Variants in CCDC90B observed in about 807,000 individuals in gnomAD.
CCDC90B encodes the protein coiled-coil domain containing 90B.
Under a neutral mutation model 37.0 loss-of-function variants are expected in CCDC90B, and 24 were observed. The ratio of observed to expected loss-of-function variants is 0.65; its 90% CI spans 0.47 to 0.91. CCDC90B has a LOEUF of 0.91. CCDC90B is among the 40% of genes least tolerant of loss of function. The pLI, the probability that CCDC90B is intolerant of heterozygous loss-of-function variation, is 0.00. For missense variants in CCDC90B, 319 were observed against 299.0 expected (o/e 1.07, Z -0.49); for synonymous variants, 113 against 101.1 (o/e 1.12, Z -0.71).
chr11:83,262,663 C>G (rs896535503), intron 8 of CCDC90B, among the ~76,000 whole-genome samples: 1 of 152,080 alleles, frequency 6.6e-6, no homozygotes, highest in Non-Finnish European at 1.5e-5. Context: ...GAATGGAAAA[C>G]TTTTATGAAT....
rs1863893100 is a variant in CCDC90B at position 83,260,802 on chromosome 11, C to G, written c.*1109G>C. 6.6e-6 allele frequency: 1 copy of G among 152,008 alleles called. No individual in the cohort carries two copies. Among genetic ancestry groups the G allele is most frequent in the South Asian group, 2.1e-4 (1 of 4,824 alleles). The allele number at this position is 152,008 out of a possible 1,614,324, so 9.4% of individuals were successfully genotyped here. ...ACATATGATTTACTAATAGATATTA[C>G]TTTGTAAGAAAAAATATATCTAATA... is the stretch of plus-strand genomic sequence containing the variant. On this transcript the variant is annotated 3_prime_UTR_variant, in exon 9 of 9. Coordinates refer to ENST00000529689, the MANE Select transcript of CCDC90B (RefSeq NM_021825.5).
rs76111715 is a variant in CCDC90B at position 83,276,720 on chromosome 11, C to T, written c.325-1980G>A. ...ATACAGACTCAAAAAGCCTACAAAA[C>T]TGCACAGGTGTCCATCTGTAACAAC... On this transcript the variant is annotated intron_variant, in intron 3 of 8. Coordinates refer to ENST00000529689, the MANE Select transcript of CCDC90B (RefSeq NM_021825.5). 6.5e-3 allele frequency among the ~76,000 whole-genome samples: 988 copies of T among 152,254 alleles called. 8 individuals carry two copies. Among genetic ancestry groups the T allele is most frequent in the African/African-American group, 0.022 (904 of 41,540 alleles).
At chr11:83,267,897 T>C (rs1864386407) in intron 7 of CCDC90B, among the ~76,000 whole-genome samples, 1 of 152,214 alleles carries the variant, frequency 6.6e-6, no homozygotes, top group Admixed American at 6.5e-5. Flanking sequence ...CCCATCAGAC[T>C]AACAGCGGAC....
intron 8 of CCDC90B, among the ~76,000 whole-genome samples, chr11:83,262,948 C>T (rs1864015061): frequency 6.6e-6 from 1 of 152,162 alleles, no homozygotes; most frequent in Non-Finnish European, 1.5e-5. Flanking sequence ...CTATGCTGAG[C>T]AATTACACAC....
At chr11:83,270,197 C>T (rs1171799211) in intron 7 of CCDC90B, among the ~76,000 whole-genome samples, 1 of 152,204 alleles carries the variant, frequency 6.6e-6, no homozygotes, top group Non-Finnish European at 1.5e-5. Flanking sequence ...CAGCCAATAT[C>T]ATACTGAATG....
At chr11:83,263,874 G>T (rs771524735) in intron 8 of CCDC90B, among the ~76,000 whole-genome samples, 2 of 152,270 alleles carry the variant, frequency 1.3e-5, no homozygotes, top group Non-Finnish European at 1.5e-5. Context: ...CCCCATCCAC[G>T]GTTCAGCTGA....
chr11:83,280,022 T>C (rs1288901434), intron 2 of CCDC90B, 119 bp downstream of exon 2: 3 of 924,176 alleles, frequency 3.2e-6, no homozygotes, highest in South Asian at 2.1e-5. Context: ...AAATATTTCA[T>C]TGTATGGATG....
At position 83,274,754 on chromosome 11, in the gene CCDC90B, T is replaced by C; in HGVS notation, c.325-14A>G. The C allele has an allele frequency of 3.3e-6, 5 of 1,508,690 alleles. No individual in the cohort carries two copies. Among genetic ancestry groups the C allele is most frequent in the Non-Finnish European group, 4.6e-6 (5 of 1,090,880 alleles). 93.5% of individuals were successfully genotyped at this position (1,508,690 alleles called of 1,614,324 possible). A position where few individuals can be genotyped will look rare whatever the true frequency, so the allele number is the denominator to read the frequency against. ...TACTGTTATTTCCTAGAAAACAAAA[T>C]AAAAATAACCTAGTGATCTATAGAA... On this transcript the variant is annotated splice_polypyrimidine_tract_variant and intron_variant, in intron 3 of 8. Transcript: ENST00000529689.
At chr11:83,285,232 CTG>C (rs747780370) in intron 1 of CCDC90B, 9 of 1,282,574 alleles carry the variant, frequency 7.0e-6, no homozygotes, top group Non-Finnish European at 9.1e-6. Flanking sequence ...AGTTAAAAAA[CTG>C]GGGGTGAAAA....
intron 1 of CCDC90B, chr11:83,285,487 A>G: frequency 9.0e-7 from 1 of 1,112,886 alleles, no homozygotes; most frequent in Non-Finnish European, 1.1e-6. Flanking sequence ...GCCAGCACCT[A>G]AAAAAACAAA....
At chr11:83,267,712 C>T (rs1864372637) in intron 7 of CCDC90B, among the ~76,000 whole-genome samples, 1 of 152,156 alleles carries the variant, frequency 6.6e-6, no homozygotes, top group Non-Finnish European at 1.5e-5. Flanking sequence ...AGAACTTCCC[C>T]AACCTAGCAA....
Position 83,274,697 on chromosome 11 carries a change from C to T in CCDC90B, c.368G>A (p.Arg123Lys). ...QQLMAHLDAI[R>K]KDMVILEKSE... ...TTTCTCTAGGATGACCATGTCTTTC[C>T]TGATAGCATCCAAATGAGCCATTAG... The change falls in exon 4 of 9, where the codon AGG (arginine) becomes AAG (lysine). Residue 123 changes from arginine to lysine, a missense_variant. Transcript: ENST00000529689. 1 of 1,610,778 alleles carries T rather than the reference C, an allele frequency of 6.2e-7. No individual in the cohort carries two copies. Among genetic ancestry groups the T allele is most frequent in the Non-Finnish European group, 8.5e-7 (1 of 1,178,234 alleles).
intron 1 of CCDC90B, chr11:83,285,486 T>C: frequency 9.0e-7 from 1 of 1,112,102 alleles, no homozygotes; most frequent in Admixed American, 4.9e-5. Flanking sequence ...GGCCAGCACC[T>C]AAAAAAACAA....
intron 8 of CCDC90B, among the ~76,000 whole-genome samples, chr11:83,264,300 CT>C (rs964213519): frequency 4.7e-4 from 71 of 152,164 alleles, no homozygotes; most frequent in African/African-American, 1.6e-3. Context: ...TTTGGTTAAA[CT>C]TTAAAAAGTT....
chr11:83,284,996 A>G, intron 1 of CCDC90B: 1 of 442,044 alleles, frequency 2.3e-6, no homozygotes, highest in South Asian at 3.2e-5. Context: ...TGGAGGATCA[A>G]CAACTGCAGT....
chr11:83,268,784 A>C (rs1452818228), intron 7 of CCDC90B, among the ~76,000 whole-genome samples: 1 of 152,110 alleles, frequency 6.6e-6, no homozygotes, highest in African/African-American at 2.4e-5. Context: ...GAACTCTCCA[A>C]CCCAAATCAA....
intron 7 of CCDC90B, among the ~76,000 whole-genome samples, chr11:83,270,152 T>C (rs1194856048): frequency 1.3e-5 from 2 of 152,174 alleles, no homozygotes; most frequent in Non-Finnish European, 2.9e-5. Context: ...ATGGAACGTA[T>C]CTCAAAACAA....
chr11:83,282,228 G>A (rs1865426837), intron 1 of CCDC90B, among the ~76,000 whole-genome samples: 1 of 152,234 alleles, frequency 6.6e-6, no homozygotes, highest in Non-Finnish European at 1.5e-5. Context: ...ACTGGGAGCT[G>A]CGGCTTGCTG....
rs1001583166 is a variant in CCDC90B at position 83,261,781 on chromosome 11, C to G, written c.*130G>C. 1 of 631,044 alleles carries G rather than the reference C, an allele frequency of 1.6e-6. No individual in the cohort carries two copies. The highest frequency in any genetic ancestry group is 2.8e-5 in the Admixed American group (1 of 36,300). The allele number at this position is 631,044 out of a possible 1,614,324, so 39.1% of individuals were successfully genotyped here. A position where few individuals can be genotyped will look rare whatever the true frequency, so the allele number is the denominator to read the frequency against. ...CTCTTCTCATTCTAAAACACTTCCTCTTTTAGTCCGTATACACTTCGAATA... is the reference window on the plus strand; with the variant it reads ...CTCTTCTCATTCTAAAACACTTCCTGTTTTAGTCCGTATACACTTCGAATA... On this transcript the variant is annotated 3_prime_UTR_variant, in exon 9 of 9. Coordinates refer to ENST00000529689, the MANE Select transcript of CCDC90B (RefSeq NM_021825.5).
Sources: allele counts gnomAD v4.1 joint callset (sites outside exome capture counted in the v4.1 genomes callset), GRCh38; gene constraint gnomAD v4.1.1; transcripts MANE v1.5; gene names NCBI Gene and HGNC (gene_info 2026-07-23, HGNC 2026-07-21).